Variants in RASSF4 observed in about 807,000 individuals in gnomAD.
RASSF4 encodes Ras association domain family member 4.
RASSF4 carries 38 observed loss-of-function variants against 41.1 expected under a neutral mutation model. That is an observed-to-expected ratio of 0.92 (90% CI 0.71 to 1.21). The LOEUF is 1.21. Ranked by LOEUF, RASSF4 falls within the 50% of genes most tolerant of loss-of-function variation. RASSF4 has a pLI of 0.00. For synonymous variants in RASSF4, 179 were observed against 163.4 expected, an observed-to-expected ratio of 1.10 and a Z score of -0.73; for missense variants, 414 against 419.4, an observed-to-expected ratio of 0.99 and a Z score of 0.11.
At chr10:44,989,034 G>A (rs993331932) in intron 6 of RASSF4, among the ~76,000 whole-genome samples, 6 of 152,228 alleles carry the variant, frequency 3.9e-5, no homozygotes, top group African/African-American at 1.2e-4. Context: ...CGGGTCCAGA[G>A]AGCTGGCCCT....
intron 4 of RASSF4, 148 bp downstream of exon 4, chr10:44,982,811 T>A: frequency 2.3e-6 from 2 of 868,576 alleles, no homozygotes; most frequent in Non-Finnish European, 3.7e-6. Context: ...TGTGACTGCC[T>A]CAGTCCACAG....
chr10:44,969,648 T>C (rs115323394), intron 1 of RASSF4, among the ~76,000 whole-genome samples: 2,542 of 152,296 alleles, frequency 0.017, 76 homozygotes, highest in African/African-American at 0.057. Context: ...ACAATATCGT[T>C]GTAGGGACTG....
chr10:44,987,110 TTC>T (rs1055161747), intron 6 of RASSF4, among the ~76,000 whole-genome samples: 4 of 152,202 alleles, frequency 2.6e-5, no homozygotes, highest in Non-Finnish European at 5.9e-5. Context: ...TGTTTCATGT[TTC>T]TTTTTTTATT....
At chr10:44,984,725 G>T in intron 5 of RASSF4, 88 bp from the exon 6 acceptor site, 1 of 1,459,344 alleles carries the variant, frequency 6.9e-7, no homozygotes, top group Non-Finnish European at 9.5e-7. Flanking sequence ...GTGACCACAG[G>T]GCTCTAGGGT....
chr10:44,974,599 G>T (rs1050999922), intron 3 of RASSF4, among the ~76,000 whole-genome samples: 1 of 146,026 alleles, frequency 6.8e-6, no homozygotes, highest in African/African-American at 2.5e-5. Flanking sequence ...CCCGGGGCGC[G>T]CTCCCAGAGC....
rs185997253 is a variant in RASSF4, at chr10:44,979,289, T to C, written c.139-3232T>C. On this transcript the variant is annotated intron_variant, in intron 3 of 10. Coordinates refer to ENST00000340258, the MANE Select transcript of RASSF4 (RefSeq NM_032023.4). ...AAGGGACCAAGGGCGGTCTGCGGGG[T>C]CTGACCCTGGTCTTCTTACACCCCA... is the stretch of plus-strand genomic sequence containing the variant. Among the ~76,000 whole-genome samples the C allele has an allele frequency of 9.3e-3, 1,412 of 152,192 alleles. 11 individuals carry two copies. Among genetic ancestry groups the C allele is most frequent in the Non-Finnish European group, 0.015 (1,018 of 68,000 alleles).
intron 6 of RASSF4, 103 bp downstream of exon 6, chr10:44,985,073 T>G (rs550031966): frequency 7.5e-7 from 1 of 1,342,060 alleles, no homozygotes. Flanking sequence ...GGCATTCCTG[T>G]GCCCTCAGGA....
At chr10:44,985,202 A>G (rs1305597962) in intron 6 of RASSF4, among the ~76,000 whole-genome samples, 1 of 152,232 alleles carries the variant, frequency 6.6e-6, no homozygotes, top group Non-Finnish European at 1.5e-5. Context: ...TAAGCTGGGG[A>G]TGCCCTGGGC....
intron 10 of RASSF4, among the ~76,000 whole-genome samples, chr10:44,992,538 G>A (rs1486261728): frequency 2.6e-5 from 4 of 152,220 alleles, no homozygotes; most frequent in African/African-American, 7.2e-5. Flanking sequence ...GGGACACCAC[G>A]CCAGGGTCCG....
At chr10:44,991,416 T>A (rs1238509967) in intron 9 of RASSF4, 1 of 220,410 alleles carries the variant, frequency 4.5e-6, no homozygotes, top group Non-Finnish European at 8.9e-6. Flanking sequence ...ACCTCGCACC[T>A]GTGGAAAACA....
In RASSF4 at chr10:44,973,238, C is replaced by T. The variant is rs571184400; in HGVS notation, c.138+1390C>T. ...TGCCCCCATCCTGCACTCCCCAGGC[C>T]GGGCACCCTGTGGGTCCCTGTGCAG... is the stretch of plus-strand genomic sequence containing the variant. On this transcript the variant is annotated intron_variant, in intron 3 of 10. Coordinates refer to ENST00000340258, the MANE Select transcript of RASSF4 (RefSeq NM_032023.4). Among the ~76,000 whole-genome samples, 27 of 152,322 alleles carry T rather than the reference C, an allele frequency of 1.8e-4. No individual in the cohort carries two copies. The South Asian group carries it at 5.0e-3, about 28-fold the overall frequency.
chr10:44,984,888 G>T lies in RASSF4; in HGVS notation c.449G>T (p.Arg150Met). ...KSDASCMSQR[R>M]PKCRAPGEAQ... ...GACGCCAGTTGCATGAGCCAGAGGA[G>T]GCCCAAGTGCCGCGCCCCCGGTGAG... The change falls in exon 6 of 11, where the codon AGG becomes ATG. Residue 150 changes from arginine to methionine, a missense_variant. Coordinates refer to ENST00000340258, the MANE Select transcript of RASSF4 (RefSeq NM_032023.4). 1 of 1,613,626 alleles carries T rather than the reference G, an allele frequency of 6.2e-7. No individual in the cohort carries two copies. The highest frequency in any genetic ancestry group is 8.5e-7 in the Non-Finnish European group (1 of 1,180,024).
chr10:44,975,150 TC>T (rs1841354947), intron 3 of RASSF4, among the ~76,000 whole-genome samples: 1 of 152,010 alleles, frequency 6.6e-6, no homozygotes, highest in Admixed American at 6.5e-5. Flanking sequence ...CCACATCCAG[TC>T]CCGCTCCTCG....
At chr10:44,978,887 T>G (rs1287205258) in intron 3 of RASSF4, 1 of 152,264 alleles carries the variant, frequency 6.6e-6, no homozygotes, top group Non-Finnish European at 1.5e-5. Flanking sequence ...AAAAATAGCC[T>G]GCTCGGAAGG....
intron 1 of RASSF4, among the ~76,000 whole-genome samples, chr10:44,964,885 G>T (rs1258276781): frequency 6.6e-6 from 1 of 152,170 alleles, no homozygotes; most frequent in Non-Finnish European, 1.5e-5. Context: ...TCATCAAAAT[G>T]AATGAAAGTC....
At chr10:44,960,582 C>G (rs747952223) in intron 1 of RASSF4, among the ~76,000 whole-genome samples, 27 of 152,214 alleles carry the variant, frequency 1.8e-4, no homozygotes, top group Non-Finnish European at 3.4e-4. Context: ...TTCCCACTTC[C>G]AAAACATGCC....
chr10:44,969,784 C>A (rs1386868481), intron 1 of RASSF4, among the ~76,000 whole-genome samples: 1 of 152,208 alleles, frequency 6.6e-6, no homozygotes, highest in Non-Finnish European at 1.5e-5. Flanking sequence ...AGGAGAGAGG[C>A]CCAGGGTAGC....
At chr10:44,982,730 C>A in intron 4 of RASSF4, 67 bp downstream of exon 4, 10 of 1,544,060 alleles carry the variant, frequency 6.5e-6, no homozygotes, top group Non-Finnish European at 8.8e-6. Flanking sequence ...TATCCCGAGC[C>A]TCAGGGTGGG....
At chr10:44,984,255 T>G in intron 5 of RASSF4, 142 bp downstream of exon 5, 1 of 770,956 alleles carries the variant, frequency 1.3e-6, no homozygotes, top group Non-Finnish European at 2.0e-6. Context: ...CCTACCCAGG[T>G]GCCTGCCTGT....
Sources: allele counts gnomAD v4.1 joint callset (sites outside exome capture counted in the v4.1 genomes callset), GRCh38; gene constraint gnomAD v4.1.1; transcripts MANE v1.5; gene names NCBI Gene and HGNC (gene_info 2026-07-23, HGNC 2026-07-21).